The following CSGALNACT1 variants were observed in gnomAD, a reference collection of about 807,000 sequenced individuals.
The protein encoded by CSGALNACT1 is chondroitin sulfate N-acetylgalactosaminyltransferase 1.
Under a neutral mutation model 51.0 loss-of-function variants are expected in CSGALNACT1, and 52 were observed. That is an observed-to-expected ratio of 1.02 (90% CI 0.82 to 1.29). The LOEUF (loss-of-function observed/expected upper bound fraction) is 1.29. CSGALNACT1 is among the 50% of genes most tolerant of loss of function. The probability of loss-of-function intolerance (pLI) is 0.00; values close to 1 mark genes in which losing one functional copy is unlikely to be tolerated. For synonymous variants in CSGALNACT1, 341 were observed against 254.4 expected (o/e 1.34, Z -3.24); for missense variants, 935 against 679.2 (o/e 1.38, Z -4.19).
intron 8 of CSGALNACT1, among the ~76,000 whole-genome samples, chr8:19,411,298 G>C (rs775781093): frequency 3.3e-5 from 5 of 152,196 alleles, no homozygotes; most frequent in Admixed American, 6.5e-5. Context: ...AAATGATCCC[G>C]TTGATGCATC....
rs1486110064 is a variant in CSGALNACT1 at position 19,665,901 on chromosome 8, G to C, written c.-544+16572C>G. Among the ~76,000 whole-genome samples, 3 of 152,324 alleles carry C rather than the reference G, an allele frequency of 2.0e-5. No individual in the cohort carries two copies. The East Asian group carries it at 5.8e-4, about 29-fold the overall frequency. On this transcript the variant is annotated intron_variant, in intron 1 of 9. Coordinates refer to the CSGALNACT1 transcript ENST00000332246. ...CTCTTAGTCTCACCTCCCAGGACAA[G>C]ATCAATGGACCTACATTCATCTAAC...
intron 1 of CSGALNACT1, among the ~76,000 whole-genome samples, chr8:19,743,568 G>C (rs140356476): frequency 8.5e-5 from 13 of 152,304 alleles, no homozygotes; most frequent in African/African-American, 3.1e-4. Flanking sequence ...GAACAGATAA[G>C]TTGAGAAAGT....
At chr8:19,652,789 T>C (rs1424500400) in intron 1 of CSGALNACT1, among the ~76,000 whole-genome samples, 1 of 152,134 alleles carries the variant, frequency 6.6e-6, no homozygotes, top group Non-Finnish European at 1.5e-5. Flanking sequence ...CAATAGATAT[T>C]TCTCTGCTAT....
intron 3 of CSGALNACT1, among the ~76,000 whole-genome samples, chr8:19,527,794 G>A (rs1462649002): frequency 6.6e-6 from 1 of 152,132 alleles, no homozygotes; most frequent in African/African-American, 2.4e-5. Context: ...GAGATTATGA[G>A]TGTGGGCTTA....
At chr8:19,450,709 G>C (rs1172587553) in intron 5 of CSGALNACT1, among the ~76,000 whole-genome samples, 1 of 152,016 alleles carries the variant, frequency 6.6e-6, no homozygotes. Context: ...TTGAGGTCAG[G>C]AGTTTGAAAC....
chr8:19,513,879 T>A (rs1053092509), intron 3 of CSGALNACT1, among the ~76,000 whole-genome samples: 2 of 152,164 alleles, frequency 1.3e-5, no homozygotes, highest in Admixed American at 6.5e-5. Context: ...CCACATGTAT[T>A]CGGTCCACTG....
At chr8:19,752,213 T>C (rs189723713) in intron 1 of CSGALNACT1, among the ~76,000 whole-genome samples, 74 of 148,864 alleles carry the variant, frequency 5.0e-4, no homozygotes, top group Admixed American at 4.1e-3. Context: ...TCTTATATGA[T>C]ATATAAAATA....
rs566460589 is a variant in CSGALNACT1 at position 19,441,926 on chromosome 8, C to A, written c.852-1995G>T. Among the ~76,000 whole-genome samples, 6 of 152,314 alleles carry A rather than the reference C, an allele frequency of 3.9e-5. No homozygotes were observed. The South Asian group carries it at 8.3e-4, about 21-fold the overall frequency. ...GGGCGAAGGATATGAACAGACACTT[C>A]TCAAAAGAAGACATTTATGCAGCCA... On this transcript the variant is annotated intron_variant, in intron 5 of 9. Transcript: ENST00000454498.
chr8:19,687,737 A>T (rs1293796495), intron 1 of CSGALNACT1, among the ~76,000 whole-genome samples: 1 of 152,260 alleles, frequency 6.6e-6, no homozygotes, highest in African/African-American at 2.4e-5. Flanking sequence ...CTTATAAAGA[A>T]AAAGACTACA....
intron 1 of CSGALNACT1, among the ~76,000 whole-genome samples, chr8:19,611,786 G>A (rs1050162934): frequency 6.6e-6 from 1 of 152,110 alleles, no homozygotes; most frequent in African/African-American, 2.4e-5. Context: ...AGCAGAAACG[G>A]TAAGTAGTAA....
intron 3 of CSGALNACT1, among the ~76,000 whole-genome samples, chr8:19,576,389 C>T (rs149951232): frequency 6.6e-6 from 1 of 152,238 alleles, no homozygotes; most frequent in East Asian, 1.9e-4. Flanking sequence ...GACGGGGTTT[C>T]ATTATGTTGG....
At chr8:19,574,683 T>C (rs1448805609) in intron 3 of CSGALNACT1, among the ~76,000 whole-genome samples, 1 of 152,112 alleles carries the variant, frequency 6.6e-6, no homozygotes, top group Non-Finnish European at 1.5e-5. Context: ...CAAGGAGCCC[T>C]ACTGCCATTC....
intron 1 of CSGALNACT1, among the ~76,000 whole-genome samples, chr8:19,653,548 C>T (rs2058009240): frequency 6.6e-6 from 1 of 152,158 alleles, no homozygotes; most frequent in Non-Finnish European, 1.5e-5. Flanking sequence ...AATCCCAGCA[C>T]TTTGGGAGGC....
At chr8:19,425,797 G>T (rs187415406) in intron 6 of CSGALNACT1, among the ~76,000 whole-genome samples, 6 of 152,272 alleles carry the variant, frequency 3.9e-5, no homozygotes, top group African/African-American at 1.4e-4. Flanking sequence ...TGTGGGCATG[G>T]CTGGGGCATC....
intron 1 of CSGALNACT1, among the ~76,000 whole-genome samples, chr8:19,662,747 C>G (rs950573786): frequency 3.3e-5 from 5 of 152,200 alleles, no homozygotes; most frequent in African/African-American, 1.2e-4. Context: ...GTGGTCCACA[C>G]TGGTAATGCT....
intron 1 of CSGALNACT1, among the ~76,000 whole-genome samples, chr8:19,691,783 A>G (rs2061336893): frequency 6.6e-6 from 1 of 152,212 alleles, no homozygotes; most frequent in South Asian, 2.1e-4. Context: ...CACACACTGA[A>G]GTAGTGATTC....
intron 1 of CSGALNACT1, among the ~76,000 whole-genome samples, chr8:19,670,908 G>A (rs186033154): frequency 2.1e-4 from 32 of 152,224 alleles, no homozygotes; most frequent in African/African-American, 7.5e-4. Context: ...TGTGTGCTTG[G>A]CCTACTCCAC....
Position 19,667,031 on chromosome 8 carries a change from G to GAAA in CSGALNACT1, c.-544+15441_-544+15442insTTT, listed in dbSNP as rs1589387949. ...AGAAAGAAAGAAAGGAAGGAAGGAAGGAAGGAAGGAAGAAAGAAAGAAAGA... is the reference window on the plus strand; with the variant it reads ...AGAAAGAAAGAAAGGAAGGAAGGAAGAAAGAAGGAAGGAAGAAAGAAAGAAAGA... On this transcript the variant is annotated intron_variant, in intron 1 of 9. Transcript: ENST00000332246. Among the ~76,000 whole-genome samples, 22 of 33,848 alleles carry GAAA rather than the reference G, an allele frequency of 6.5e-4. 3 individuals carry two copies. Among genetic ancestry groups the GAAA allele is most frequent in the East Asian group, 2.5e-3 (4 of 1,576 alleles). 22.2% of individuals were successfully genotyped at this position (33,848 alleles called of 152,430 possible). A position where few individuals can be genotyped will look rare whatever the true frequency, so the allele number is the denominator to read the frequency against.
intron 1 of CSGALNACT1, among the ~76,000 whole-genome samples, chr8:19,657,728 G>A (rs1192584232): frequency 1.3e-5 from 2 of 152,192 alleles, no homozygotes; most frequent in East Asian, 3.9e-4. Flanking sequence ...AGTGTTGTAA[G>A]ACCCTGGGGC....
Sources: gnomAD v4.1 joint callset for allele counts (sites outside exome capture counted in the v4.1 genomes callset) on GRCh38, gnomAD v4.1.1 for gene constraint, MANE v1.5 for transcripts, NCBI Gene and HGNC (gene_info 2026-07-23, HGNC 2026-07-21) for gene names.